The following ZNF268 variants were observed in gnomAD, a reference collection of about 807,000 sequenced individuals.
ZNF268 encodes zinc finger protein 268, also known as zinc finger protein 3.
A neutral mutation model predicts 29.3 loss-of-function variants in ZNF268; 20 were observed. The observed-to-expected ratio is 0.68, with a 90% CI of 0.48 to 0.99. The LOEUF is 0.99. Ranked by LOEUF, ZNF268 falls within the 50% of genes least tolerant of loss-of-function variation. The pLI, the probability that ZNF268 is intolerant of heterozygous loss-of-function variation, is 0.00. For missense variants in ZNF268, 1,240 were observed against 1,121.6 expected (o/e 1.11, Z -1.51); for synonymous variants, 429 against 376.9 (o/e 1.14, Z -1.60).
rs559216296 is a variant in ZNF268 at position 133,185,357 on chromosome 12, C to T, written c.34-2515C>T. Among the ~76,000 whole-genome samples the T allele has an allele frequency of 1.6e-4, 25 of 151,990 alleles. No individual in the cohort carries two copies. In the East Asian group the frequency reaches 1.9e-3, roughly 12 times the overall value. On this transcript the variant is annotated intron_variant, in intron 2 of 5. Coordinates refer to ENST00000536435, the MANE Select transcript of ZNF268 (RefSeq NM_003415.3). ...ATGGGAACAGCCAGGGCCAAGGCTG[C>T]GAGGCAAGAGAAGTTTGATGCCTTG...
intron 5 of ZNF268, among the ~76,000 whole-genome samples, chr12:133,198,809 A>C (rs1956680271): frequency 6.7e-6 from 1 of 148,812 alleles, no homozygotes; most frequent in African/African-American, 2.5e-5. Context: ...TGTGAATGGG[A>C]GTTCACTCAT....
At position 133,202,503 on chromosome 12, in the gene ZNF268, G is replaced by T. The variant is rs373015628; in HGVS notation, c.817G>T (p.Glu273Ter). 2 of 1,612,120 alleles carry T rather than the reference G, an allele frequency of 1.2e-6. No individual in the cohort carries two copies. Among genetic ancestry groups the T allele is most frequent in the South Asian group, 2.2e-5 (2 of 90,848 alleles). ...QLMCQQMYMG[E>*]KPFGCSCCEK... ...TATGTGCCAACAAATGTATATGGGC[G>T]AAAAACCCTTTGGATGCAGCTGTTG... The change falls in exon 6 of 6, where the codon GAA (glutamate) becomes TAA (stop). Residue 273 changes from glutamate (E) to a stop codon, truncating the protein, a stop_gained. Transcript: ENST00000536435. LOFTEE classifies it low-confidence loss of function (END_TRUNC).
chr12:133,182,303 T>A (rs1956196241), intron 2 of ZNF268, among the ~76,000 whole-genome samples: 1 of 152,260 alleles, frequency 6.6e-6, no homozygotes, highest in South Asian at 2.1e-4. Context: ...TTCAGTTTTT[T>A]CAGCCTTTAT....
chr12:133,212,486 T>C lies in ZNF268; in HGVS notation c.*7956T>C, dbSNP rs1226861626. On this transcript the variant is annotated 3_prime_UTR_variant, in exon 6 of 6. Coordinates refer to ENST00000536435, the MANE Select transcript of ZNF268 (RefSeq NM_003415.3). The stretch of plus-strand genomic sequence containing the variant: ...ATATATATATATATATATATATATA[T>C]ATATATATATATGTATATATACACA... The C allele has an allele frequency of 5.4e-3, 50 of 9,274 alleles. 2 individuals carry two copies. The highest frequency in any genetic ancestry group is 0.032 in the African/African-American group (42 of 1,308). The allele number at this position is 9,274 out of a possible 1,614,324, so 0.6% of individuals were successfully genotyped here. A position where few individuals can be genotyped will look rare whatever the true frequency, so the allele number is the denominator to read the frequency against.
rs1363342567 is a variant in ZNF268, at chr12:133,210,182, G to T, written c.*5652G>T. On this transcript the variant is annotated 3_prime_UTR_variant, in exon 6 of 6. Transcript: ENST00000536435. Reference sequence around the variant, plus strand: ...TGGCCTCCATGTATCCCAAAGGTGAGATGACATCGCCCCAGATTGGTCCGG... The same window carrying T: ...TGGCCTCCATGTATCCCAAAGGTGATATGACATCGCCCCAGATTGGTCCGG... 1 of 152,312 alleles carries T rather than the reference G, an allele frequency of 6.6e-6. No homozygotes were observed. Among genetic ancestry groups the T allele is most frequent in the African/African-American group, 2.4e-5 (1 of 41,438 alleles). 9.4% of individuals were successfully genotyped at this position (152,312 alleles called of 1,614,324 possible). A position where few individuals can be genotyped will look rare whatever the true frequency, so the allele number is the denominator to read the frequency against.
In ZNF268 at chr12:133,202,774, G is replaced by C. The variant is rs776523283; in HGVS notation, c.1088G>C (p.Cys363Ser). Residue 363 changes from cysteine (C) to serine (S), a missense_variant, in exon 6 of 6, where the codon TGT (cysteine) becomes TCT (serine). By Grantham distance (112) the Cys-to-Ser change is moderately radical. Coordinates refer to ENST00000536435, the MANE Select transcript of ZNF268 (RefSeq NM_003415.3). ...ACAGGTGAGAATCCCTATGAGTGCT[G>C]TGAATGTGGGAAAGTCTTCAGTAGG... is the stretch of plus-strand genomic sequence containing the variant. ...IHTGENPYECCECGKVFSRKD... is the reference protein window; with the variant it reads ...IHTGENPYECSECGKVFSRKD... 3.1e-6 allele frequency: 5 copies of C among 1,610,698 alleles called. No homozygotes were observed. The Admixed American group carries it at 5.0e-5, about 16-fold the overall frequency.
chr12:133,189,358 G>A (rs984344572), intron 3 of ZNF268, among the ~76,000 whole-genome samples: 1 of 151,766 alleles, frequency 6.6e-6, no homozygotes, highest in African/African-American at 2.4e-5. Context: ...GGGACTACAG[G>A]TGCGCACTAC....
rs1956962447 is a variant in ZNF268, at chr12:133,210,528, C to G, written c.*5998C>G. The G allele has an allele frequency of 1.1e-5, 3 of 265,310 alleles. No homozygotes were observed. The highest frequency in any genetic ancestry group is 2.3e-5 in the Non-Finnish European group (3 of 130,618). 16.4% of individuals were successfully genotyped at this position (265,310 alleles called of 1,614,324 possible). On this transcript the variant is annotated 3_prime_UTR_variant, in exon 6 of 6. Coordinates refer to ENST00000536435, the MANE Select transcript of ZNF268 (RefSeq NM_003415.3). Reference sequence around the variant, plus strand: ...GCTCCAGTCTTCACTGTGGTTGTGCCCCACAGTGGTCCTCAGGTTGGCCAG... The same window carrying G: ...GCTCCAGTCTTCACTGTGGTTGTGCGCCACAGTGGTCCTCAGGTTGGCCAG...
intron 5 of ZNF268, among the ~76,000 whole-genome samples, chr12:133,192,778 G>C (rs1352689345): frequency 6.6e-6 from 1 of 151,892 alleles, no homozygotes; most frequent in East Asian, 1.9e-4. Context: ...TCCTGCTTCA[G>C]CCTTCCAAGT....
In ZNF268 at chr12:133,205,175, C is replaced by CAAAAAAAAAAAAAAAAAAAAAAAAAAAA. The variant is rs1343948566; in HGVS notation, c.*647_*648insAAAAAAAAAAAAAAAAAAAAAAAAAAAA. 5.5e-4 allele frequency: 12 copies of CAAAAAAAAAAAAAAAAAAAAAAAAAAAA among 21,800 alleles called. No individual in the cohort carries two copies. Among genetic ancestry groups the CAAAAAAAAAAAAAAAAAAAAAAAAAAAA allele is most frequent in the Admixed American group, 1.6e-3 (2 of 1,284 alleles). 1.4% of individuals were successfully genotyped at this position (21,800 alleles called of 1,614,324 possible). ...AAAAAAAAAAAAAAAAAAAAAAAAC[C>CAAAAAAAAAAAAAAAAAAAAAAAAAAAA]AACCTGTTATTATATCTTAATATTA... On this transcript the variant is annotated 3_prime_UTR_variant, in exon 6 of 6. Coordinates refer to ENST00000536435, the MANE Select transcript of ZNF268 (RefSeq NM_003415.3).
chr12:133,204,668 A>G lies in ZNF268; in HGVS notation c.*138A>G, dbSNP rs934003526. The stretch of plus-strand genomic sequence containing the variant: ...TAGAAACTTTATGAATGCACAGCAT[A>G]TGGAAAGGCATCCACAGAAAGCTGT... On this transcript the variant is annotated 3_prime_UTR_variant, in exon 6 of 6. Transcript: ENST00000536435. 6.5e-6 allele frequency: 4 copies of G among 619,966 alleles called. No homozygotes were observed. In the African/African-American group the frequency reaches 7.5e-5, roughly 12 times the overall value. The allele number at this position is 619,966 out of a possible 1,614,324, so 38.4% of individuals were successfully genotyped here.
At chr12:133,200,379 T>C (rs557222311) in intron 5 of ZNF268, among the ~76,000 whole-genome samples, 11 of 152,360 alleles carry the variant, frequency 7.2e-5, no homozygotes, top group Non-Finnish European at 8.8e-5. Flanking sequence ...TTGATTGCAC[T>C]GTCGTCTTAG....
At chr12:133,193,383 A>G (rs1177819944) in intron 5 of ZNF268, 24 of 606,878 alleles carry the variant, frequency 4.0e-5, no homozygotes, top group Non-Finnish European at 6.2e-5. Context: ...ATAAAATACT[A>G]TAGACTAGGT....
chr12:133,207,138 C>A lies in ZNF268; in HGVS notation c.*2608C>A, dbSNP rs910554612. 1 of 152,142 alleles carries A rather than the reference C, an allele frequency of 6.6e-6. No homozygotes were observed. Among genetic ancestry groups the A allele is most frequent in the Non-Finnish European group, 1.5e-5 (1 of 68,034 alleles). The allele number at this position is 152,142 out of a possible 1,614,324, so 9.4% of individuals were successfully genotyped here. On this transcript the variant is annotated 3_prime_UTR_variant, in exon 6 of 6. Transcript: ENST00000536435. ...TTGAGTTACTGGTTTGTAAATCTAT[C>A]TAGTCCTTCTACCCCAGCCCCAGAA... is the stretch of plus-strand genomic sequence containing the variant.
rs1395746090 is a variant in ZNF268, at chr12:133,207,727, G to C, written c.*3197G>C. On this transcript the variant is annotated 3_prime_UTR_variant, in exon 6 of 6. Coordinates refer to ENST00000536435, the MANE Select transcript of ZNF268 (RefSeq NM_003415.3). The stretch of plus-strand genomic sequence containing the variant: ...GGAGGCTGGGACGGGAGAATCACTT[G>C]AATCTAGGAGGCGGAAGTTGCAGTG... The C allele has an allele frequency of 6.6e-6, 1 of 152,176 alleles. No homozygotes were observed. Among genetic ancestry groups the C allele is most frequent in the Non-Finnish European group, 1.5e-5 (1 of 68,036 alleles). 9.4% of individuals were successfully genotyped at this position (152,176 alleles called of 1,614,324 possible).
At position 133,202,952 on chromosome 12, in the gene ZNF268, G is replaced by A; in HGVS notation, c.1266G>A (p.Gln422=). The stretch of plus-strand genomic sequence containing the variant: ...AACCATATGAATGCAATGAATGTCA[G>A]AAAGCCTTTAATACAAAGTCAAACC... ...GEKPYECNEC[Q]KAFNTKSNLM... is the part of the protein sequence containing the mutation. Residue 422 remains glutamine (Q), a synonymous_variant, in exon 6 of 6, where the codon CAG becomes CAA. Transcript: ENST00000536435. 3.2e-6 allele frequency: 5 copies of A among 1,545,784 alleles called. No homozygotes were observed. The highest frequency in any genetic ancestry group is 4.3e-6 in the Non-Finnish European group (5 of 1,150,198).
In ZNF268 at chr12:133,205,148, A is replaced by C. The variant is rs1160614462; in HGVS notation, c.*618A>C. The C allele has an allele frequency of 1.9e-5, 2 of 104,096 alleles. No homozygotes were observed. Among genetic ancestry groups the C allele is most frequent in the African/African-American group, 8.6e-5 (2 of 23,242 alleles). 6.4% of individuals were successfully genotyped at this position (104,096 alleles called of 1,614,324 possible). The stretch of plus-strand genomic sequence containing the variant: ...CTCACCTTAGAAGCTTCATTCTAAA[A>C]AAAAAAAAAAAAAAAAAAAAAAAAA... On this transcript the variant is annotated 3_prime_UTR_variant, in exon 6 of 6. Coordinates refer to ENST00000536435, the MANE Select transcript of ZNF268 (RefSeq NM_003415.3).
chr12:133,186,005 C>T (rs1312705254), intron 2 of ZNF268, among the ~76,000 whole-genome samples: 3 of 152,108 alleles, frequency 2.0e-5, no homozygotes, highest in Non-Finnish European at 1.5e-5. Context: ...GTGTCTACTA[C>T]GTATGAGGTT....
At position 133,209,276 on chromosome 12, in the gene ZNF268, T is replaced by G. The variant is rs947322358; in HGVS notation, c.*4746T>G. ...TTCTTTGCTAAAGGGCCAGGTAGAG[T>G]TATTTATTTCTTGTAGAGATGGGGT... On this transcript the variant is annotated 3_prime_UTR_variant, in exon 6 of 6. Transcript: ENST00000536435. 43 of 151,820 alleles carry G rather than the reference T, an allele frequency of 2.8e-4. No homozygotes were observed. The highest frequency in any genetic ancestry group is 9.7e-4 in the African/African-American group (40 of 41,360). The allele number at this position is 151,820 out of a possible 1,614,324, so 9.4% of individuals were successfully genotyped here.
Sources: gnomAD v4.1 joint callset for allele counts (sites outside exome capture counted in the v4.1 genomes callset) on GRCh38, gnomAD v4.1.1 for gene constraint, MANE v1.5 for transcripts, NCBI Gene and HGNC (gene_info 2026-07-23, HGNC 2026-07-21) for gene names.